IL1RAPL2: variants seen among roughly 807,000 people sequenced by gnomAD.
The protein encoded by IL1RAPL2 is interleukin 1 receptor accessory protein like 2, also known as X-linked interleukin-1 receptor accessory protein-like 2.
A neutral mutation model predicts 44.1 loss-of-function variants in IL1RAPL2; 3 were observed. That is an observed-to-expected ratio of 0.07 (90% CI 0.03 to 0.18). The LOEUF (loss-of-function observed/expected upper bound fraction) is 0.18. IL1RAPL2 is among the 10% of genes least tolerant of loss of function. The pLI is 1.00. For synonymous variants in IL1RAPL2, 181 were observed against 178.8 expected (o/e 1.01, Z -0.10); for missense variants, 391 against 496.4 (o/e 0.79, Z 2.02).
At chrX:105,739,513 A>C (rs1442901277) in intron 7 of IL1RAPL2, among the ~76,000 whole-genome samples, 1 of 59,671 alleles carries the variant, frequency 1.7e-5, no homozygotes, top group Non-Finnish European at 2.9e-5. Flanking sequence ...CCCACCCCAC[A>C]ACAGTCCCCA....
intron 5 of IL1RAPL2, among the ~76,000 whole-genome samples, chrX:105,372,497 T>G (rs1423562715): frequency 9.0e-6 from 1 of 110,924 alleles, no homozygotes; most frequent in Admixed American, 9.6e-5. Flanking sequence ...TTTTAATGTT[T>G]AAGTTCAGGG....
intron 4 of IL1RAPL2, among the ~76,000 whole-genome samples, chrX:105,259,864 C>T (rs2034343303): frequency 8.9e-6 from 1 of 111,810 alleles, no homozygotes; most frequent in Admixed American, 9.4e-5. Flanking sequence ...TGGGAATAGG[C>T]ACCCACATAA....
At chrX:104,756,905 G>A (rs770387031) in intron 2 of IL1RAPL2, among the ~76,000 whole-genome samples, 1 of 109,951 alleles carries the variant, frequency 9.1e-6, no homozygotes, top group African/African-American at 3.3e-5. Context: ...TGGGGTATTA[G>A]AGGAGAAGCA....
Position 105,692,203 on chromosome X carries a change from C to T in IL1RAPL2, c.773-25164C>T, listed in dbSNP as rs767023975. Among the ~76,000 whole-genome samples, 9 of 111,617 alleles carry T rather than the reference C, an allele frequency of 8.1e-5. No homozygotes were observed. In the East Asian group the frequency reaches 2.6e-3, roughly 32 times the overall value. On this transcript the variant is annotated intron_variant, in intron 6 of 10. Transcript: ENST00000372582. ...ACCACTACCACAACAATCGTTACAACGATTCTTAGTCTGCATAGCACTTTA... is the reference window on the plus strand; with the variant it reads ...ACCACTACCACAACAATCGTTACAATGATTCTTAGTCTGCATAGCACTTTA...
intron 2 of IL1RAPL2, among the ~76,000 whole-genome samples, chrX:104,998,716 A>G (rs1602879182): frequency 9.0e-6 from 1 of 111,587 alleles, no homozygotes; most frequent in South Asian, 3.8e-4. Context: ...GCGGTGAGCT[A>G]TGATTGCACC....
intron 2 of IL1RAPL2, among the ~76,000 whole-genome samples, chrX:105,146,690 A>C (rs892583384): frequency 7.2e-5 from 8 of 111,406 alleles, no homozygotes; most frequent in African/African-American, 2.6e-4. Flanking sequence ...AAAACCAAAC[A>C]GTGACATTGG....
chrX:104,682,918 A>G lies in IL1RAPL2; in HGVS notation c.82+23923A>G, dbSNP rs144740881. Among the ~76,000 whole-genome samples the G allele has an allele frequency of 0.014, 1,607 of 111,421 alleles. 78 individuals are homozygous for G. The East Asian group carries it at 0.17, about 12-fold the overall frequency. ...AAAAGGGTTTTATTTTTTTAAGGCT[A>G]TGTTTGGAATTTGAACCAAATTCGA... On this transcript the variant is annotated intron_variant, in intron 2 of 10. Coordinates refer to ENST00000372582, the MANE Select transcript of IL1RAPL2 (RefSeq NM_017416.2).
At chrX:105,305,433 T>C (rs1273573089) in intron 5 of IL1RAPL2, among the ~76,000 whole-genome samples, 1 of 111,294 alleles carries the variant, frequency 9.0e-6, no homozygotes, top group Non-Finnish European at 1.9e-5. Flanking sequence ...TAAAATATCT[T>C]TTTTCATTTT....
At chrX:105,630,576 G>A (rs963951073) in intron 6 of IL1RAPL2, among the ~76,000 whole-genome samples, 2 of 107,453 alleles carry the variant, frequency 1.9e-5, no homozygotes, top group Admixed American at 1.0e-4. Flanking sequence ...AGTGAAAGGC[G>A]CTAGGGAGAA....
In IL1RAPL2 at chrX:105,409,211, C is replaced by A. The variant is rs766624577; in HGVS notation, c.698-75102C>A. ...ACCTATGCCTCCAAACCAGTCAAAT[C>A]AATTTTTCCAAACCTATGCCTCCAA... On this transcript the variant is annotated intron_variant, in intron 5 of 10. Transcript: ENST00000372582. Among the ~76,000 whole-genome samples the A allele has an allele frequency of 1.2e-3, 122 of 100,526 alleles. 1 individual carries two copies. The highest frequency in any genetic ancestry group is 4.8e-3 in the African/African-American group (99 of 20,543). The allele number at this position is 100,526 out of a possible 115,157, so 87.3% of individuals were successfully genotyped here. A position where few individuals can be genotyped will look rare whatever the true frequency, so the allele number is the denominator to read the frequency against.
intron 2 of IL1RAPL2, among the ~76,000 whole-genome samples, chrX:104,750,886 A>G (rs928001239): frequency 4.5e-5 from 5 of 110,853 alleles, no homozygotes; most frequent in African/African-American, 1.6e-4. Context: ...TTAAAAAAAA[A>G]CCCAAATAGT....
At chrX:105,766,797 GT>G (rs200757081) in intron 10 of IL1RAPL2, among the ~76,000 whole-genome samples, 166 bp from the exon 11 acceptor site, 23,294 of 100,967 alleles carry the variant, frequency 0.23, 1,969 homozygotes, top group South Asian at 0.35. Flanking sequence ...ATTATAAGCA[GT>G]TTTTTTTTTT....
In IL1RAPL2 at chrX:105,405,180, TAATAA is replaced by T. The variant is rs776977297; in HGVS notation, c.698-79127_698-79123del. 3.6e-5 allele frequency among the ~76,000 whole-genome samples: 4 copies of T among 111,823 alleles called. No individual in the cohort carries two copies. The East Asian group carries it at 1.1e-3, about 32-fold the overall frequency. Reference sequence around the variant, plus strand: ...TTATGAAAATCATTTTGGTTCAGAATAATAAAATAAGTTAGATAATGAAATTTATA... The same window carrying T: ...TTATGAAAATCATTTTGGTTCAGAATAATAAGTTAGATAATGAAATTTATA... On this transcript the variant is annotated intron_variant, in intron 5 of 10. Transcript: ENST00000372582.
intron 2 of IL1RAPL2, among the ~76,000 whole-genome samples, chrX:104,682,128 T>C (rs1401148326): frequency 8.9e-6 from 1 of 112,432 alleles, no homozygotes; most frequent in East Asian, 2.8e-4. Context: ...TTCTTTAAGA[T>C]AGCCAACAAC....
At chrX:105,189,947 A>G (rs1256218474) in intron 2 of IL1RAPL2, among the ~76,000 whole-genome samples, 3 of 112,024 alleles carry the variant, frequency 2.7e-5, no homozygotes, top group Non-Finnish European at 5.6e-5. Flanking sequence ...CTAAGATTAT[A>G]AGTTCTGTGT....
chrX:105,178,434 T>C (rs1234073715), intron 2 of IL1RAPL2, among the ~76,000 whole-genome samples: 1 of 112,372 alleles, frequency 8.9e-6, no homozygotes, highest in Non-Finnish European at 1.9e-5. Flanking sequence ...GCAATTTACA[T>C]AGCAATGCAA....
chrX:105,374,973 T>C (rs1436043990), intron 5 of IL1RAPL2, among the ~76,000 whole-genome samples: 1 of 104,823 alleles, frequency 9.5e-6, no homozygotes, highest in Non-Finnish European at 2.0e-5. Context: ...AAAAGAATTC[T>C]AGTGATTTTT....
At chrX:104,577,921 G>A (rs1018816145) in intron 1 of IL1RAPL2, among the ~76,000 whole-genome samples, 1 of 111,511 alleles carries the variant, frequency 9.0e-6, no homozygotes, top group Admixed American at 9.5e-5. Flanking sequence ...ATATGGAAAG[G>A]CGGGAGGCTA....
At chrX:105,095,017 G>A (rs1362041392) in intron 2 of IL1RAPL2, among the ~76,000 whole-genome samples, 2 of 111,280 alleles carry the variant, frequency 1.8e-5, no homozygotes, top group East Asian at 2.8e-4. Flanking sequence ...TACCAATATC[G>A]TATCTTGCAG....
Sources: allele counts gnomAD v4.1 joint callset (sites outside exome capture counted in the v4.1 genomes callset), GRCh38; gene constraint gnomAD v4.1.1; transcripts MANE v1.5; gene names NCBI Gene and HGNC (gene_info 2026-07-23, HGNC 2026-07-21).